The following KCNJ3 variants were observed in gnomAD, a reference collection of about 807,000 sequenced individuals.
KCNJ3 encodes the protein G protein-activated inward rectifier potassium channel 1.
In KCNJ3, 4 loss-of-function variants were observed where a neutral mutation model predicts 39.2. The observed-to-expected ratio is 0.10, with a 90% CI of 0.05 to 0.23. KCNJ3 has a LOEUF of 0.23. Ranked by LOEUF, KCNJ3 falls within the 10% of genes least tolerant of loss-of-function variation. The pLI, the probability that KCNJ3 is intolerant of heterozygous loss-of-function variation, is 1.00. For synonymous variants in KCNJ3, 230 were observed against 237.4 expected, an observed-to-expected ratio of 0.97 and a Z score of 0.29; for missense variants, 276 against 634.9, an observed-to-expected ratio of 0.43 and a Z score of 6.08.
intron 2 of KCNJ3, among the ~76,000 whole-genome samples, chr2:154,796,720 C>T (rs1435420055): frequency 1.3e-5 from 2 of 152,008 alleles, no homozygotes; most frequent in Non-Finnish European, 2.9e-5. Context: ...TTAAAGTAGA[C>T]TACCTAGAAT....
chr2:154,767,617 T>C (rs1266593558), intron 2 of KCNJ3, among the ~76,000 whole-genome samples: 4 of 152,226 alleles, frequency 2.6e-5, no homozygotes, highest in African/African-American at 7.2e-5. Flanking sequence ...TCCAAGTCTT[T>C]GCTATTGTGA....
intron 2 of KCNJ3, among the ~76,000 whole-genome samples, chr2:154,820,476 G>T (rs1174667332): frequency 6.6e-6 from 1 of 152,152 alleles, no homozygotes; most frequent in Non-Finnish European, 1.5e-5. Context: ...CGCAACATCT[G>T]CTTGTCCCAT....
chr2:154,849,190 G>A (rs1251166031), intron 2 of KCNJ3, among the ~76,000 whole-genome samples: 1 of 152,158 alleles, frequency 6.6e-6, no homozygotes, highest in East Asian at 1.9e-4. Context: ...GGGGATAACA[G>A]TCTCTTCCTC....
At chr2:154,838,504 TATG>T (rs1558887365) in intron 2 of KCNJ3, among the ~76,000 whole-genome samples, 1 of 152,156 alleles carries the variant, frequency 6.6e-6, no homozygotes, top group Non-Finnish European at 1.5e-5. Context: ...AGGAGAATTA[TATG>T]ATAATACACA....
At chr2:154,791,462 T>A (rs1205189592) in intron 2 of KCNJ3, among the ~76,000 whole-genome samples, 1 of 152,008 alleles carries the variant, frequency 6.6e-6, no homozygotes, top group Non-Finnish European at 1.5e-5. Context: ...ATTTGAAGAA[T>A]GTGCATTCAA....
At chr2:154,834,614 A>G (rs945536326) in intron 2 of KCNJ3, among the ~76,000 whole-genome samples, 2 of 152,032 alleles carry the variant, frequency 1.3e-5, no homozygotes, top group African/African-American at 2.4e-5. Context: ...CTGTAATCCC[A>G]GCTACTCCGG....
chr2:154,739,021 A>T (rs1012063875), intron 2 of KCNJ3, among the ~76,000 whole-genome samples: 1 of 152,096 alleles, frequency 6.6e-6, no homozygotes, highest in African/African-American at 2.4e-5. Context: ...TACTTATTTT[A>T]AAAACTAGAA....
At chr2:154,835,611 A>G (rs1224559688) in intron 2 of KCNJ3, among the ~76,000 whole-genome samples, 1 of 151,882 alleles carries the variant, frequency 6.6e-6, no homozygotes, top group East Asian at 1.9e-4. Context: ...TATTATTTCT[A>G]TCTAATGATT....
At chr2:154,730,912 A>G (rs534695645) in intron 2 of KCNJ3, among the ~76,000 whole-genome samples, 66 of 152,292 alleles carry the variant, frequency 4.3e-4, no homozygotes, top group Non-Finnish European at 8.2e-4. Context: ...TAAACCTACC[A>G]AAAATTGAAA....
intron 2 of KCNJ3, among the ~76,000 whole-genome samples, chr2:154,846,414 T>C (rs894253235): frequency 1.3e-5 from 2 of 152,204 alleles, no homozygotes; most frequent in African/African-American, 4.8e-5. Context: ...TGAACCTTTA[T>C]TATTTACCAG....
At chr2:154,735,352 G>T (rs1228708531) in intron 2 of KCNJ3, among the ~76,000 whole-genome samples, 3 of 150,352 alleles carry the variant, frequency 2.0e-5, no homozygotes, top group Non-Finnish European at 3.0e-5. Flanking sequence ...CTGACCTCGT[G>T]ATCCGTCCGC....
At chr2:154,806,819 A>G (rs979462671) in intron 2 of KCNJ3, among the ~76,000 whole-genome samples, 1 of 152,192 alleles carries the variant, frequency 6.6e-6, no homozygotes, top group Non-Finnish European at 1.5e-5. Context: ...ATTTTAAAAT[A>G]TACCTTAAAA....
intron 2 of KCNJ3, among the ~76,000 whole-genome samples, chr2:154,789,448 A>T (rs1686589671): frequency 6.6e-6 from 1 of 152,104 alleles, no homozygotes; most frequent in Non-Finnish European, 1.5e-5. Context: ...TACCTTCTTT[A>T]GAAAACATAT....
rs981846760 is a variant in KCNJ3 at position 154,858,173 on chromosome 2, A to G, written c.*2860A>G. ...TTTAACCCTTATTTCTAGGTTGATCATAGGTCCCAGTTTACCCAGGAAAAT... is the reference window on the plus strand; with the variant it reads ...TTTAACCCTTATTTCTAGGTTGATCGTAGGTCCCAGTTTACCCAGGAAAAT... On this transcript the variant is annotated 3_prime_UTR_variant, in exon 3 of 3. Coordinates refer to ENST00000295101, the MANE Select transcript of KCNJ3 (RefSeq NM_002239.4). 1.3e-5 allele frequency: 2 copies of G among 152,052 alleles called. No homozygotes were observed. Among genetic ancestry groups the G allele is most frequent in the African/African-American group, 2.4e-5 (1 of 41,400 alleles). The allele number at this position is 152,052 out of a possible 1,614,324, so 9.4% of individuals were successfully genotyped here.
chr2:154,760,735 C>CTTTTTTTT (rs887796000), intron 2 of KCNJ3, among the ~76,000 whole-genome samples: 26 of 127,722 alleles, frequency 2.0e-4, no homozygotes, highest in Non-Finnish European at 2.8e-4. Flanking sequence ...TCTTTTTTTT[C>CTTTTTTTT]TTTTTTTTTT....
intron 2 of KCNJ3, among the ~76,000 whole-genome samples, chr2:154,718,706 A>T (rs530228990): frequency 1.3e-5 from 2 of 152,322 alleles, no homozygotes; most frequent in South Asian, 4.1e-4. Context: ...ATATTTGCAC[A>T]TACGTTATTT....
chr2:154,852,243 G>A (rs1472563943), intron 2 of KCNJ3, among the ~76,000 whole-genome samples: 2 of 152,112 alleles, frequency 1.3e-5, no homozygotes, highest in East Asian at 3.9e-4. Flanking sequence ...ATGAGTCTGA[G>A]TAACATGACA....
intron 2 of KCNJ3, among the ~76,000 whole-genome samples, chr2:154,722,741 G>C (rs1364693878): frequency 2.6e-5 from 4 of 152,108 alleles, no homozygotes; most frequent in African/African-American, 9.7e-5. Flanking sequence ...GTGTAAAATA[G>C]GGCAAAACTG....
At chr2:154,836,830 T>A (rs1687473812) in intron 2 of KCNJ3, among the ~76,000 whole-genome samples, 1 of 152,208 alleles carries the variant, frequency 6.6e-6, no homozygotes, top group African/African-American at 2.4e-5. Context: ...CAGGCCCTGT[T>A]TTAAGCCTGC....
Sources: allele counts gnomAD v4.1 joint callset (sites outside exome capture counted in the v4.1 genomes callset), GRCh38; gene constraint gnomAD v4.1.1; transcripts MANE v1.5; gene names NCBI Gene and HGNC (gene_info 2026-07-23, HGNC 2026-07-21).